PCDHA9: variants seen among roughly 807,000 people sequenced by gnomAD.
The protein encoded by PCDHA9 is protocadherin alpha 9.
In PCDHA9, 62 loss-of-function variants were observed where a neutral mutation model predicts 62.0. The observed-to-expected ratio is 1.00, with a 90% CI of 0.81 to 1.23. PCDHA9 has a LOEUF of 1.23. Among genes scored for constraint, PCDHA9 ranks in the 50% most tolerant of loss-of-function variants. The probability of loss-of-function intolerance (pLI) is 0.00; values close to 1 mark genes in which losing one functional copy is unlikely to be tolerated. For missense variants in PCDHA9, 1,205 were observed against 1,249.8 expected, an observed-to-expected ratio of 0.96 and a Z score of 0.54; for synonymous variants, 557 against 567.6, an observed-to-expected ratio of 0.98 and a Z score of 0.27.
At chr5:140,859,820 A>T (rs571266771) in intron 1 of PCDHA9, 10 of 152,434 alleles carry the variant, frequency 6.6e-5, no homozygotes, top group African/African-American at 2.2e-4. Context: ...TGCAGAGTTT[A>T]GAAGTGTATT....
At chr5:140,975,304 G>A (rs1395392874) in intron 1 of PCDHA9, among the ~76,000 whole-genome samples, 2 of 152,200 alleles carry the variant, frequency 1.3e-5, no homozygotes, top group African/African-American at 2.4e-5. Context: ...AAGAGCTCAT[G>A]TGATTATGTC....
chr5:140,967,794 T>G, intron 1 of PCDHA9: 1 of 1,614,178 alleles, frequency 6.2e-7, no homozygotes. Flanking sequence ...CGGGGTCCAG[T>G]GCCCATGGCA....
At chr5:140,892,998 AT>A (rs2063775886) in intron 1 of PCDHA9, among the ~76,000 whole-genome samples, 1 of 152,170 alleles carries the variant, frequency 6.6e-6, no homozygotes, top group South Asian at 2.1e-4. Context: ...GAGAACATGT[AT>A]TTATTTTTCT....
In PCDHA9 at chr5:140,855,864, G is replaced by T. The variant is rs2043653105; in HGVS notation, c.2394+4975G>T. On this transcript the variant is annotated intron_variant, in intron 1 of 3. Transcript: ENST00000532602. ...CCTAAAGCCACCGGATGTCGCTGTC[G>T]TCCACAAAATAGCTTTTTAGAACAA... 4 of 775,774 alleles carry T rather than the reference G, an allele frequency of 5.2e-6. No individual in the cohort carries two copies. The East Asian group carries it at 8.1e-5, about 16-fold the overall frequency. The allele number at this position is 775,774 out of a possible 1,614,324, so 48.1% of individuals were successfully genotyped here. A position where few individuals can be genotyped will look rare whatever the true frequency, so the allele number is the denominator to read the frequency against.
At chr5:140,929,349 A>G in intron 1 of PCDHA9, 1 of 1,530,382 alleles carries the variant, frequency 6.5e-7, no homozygotes, top group Non-Finnish European at 8.8e-7. Context: ...ATGGAATTTG[A>G]TTCCTTTGGC....
At chr5:140,926,899 G>A (rs1554203765) in intron 1 of PCDHA9, 2 of 1,552,028 alleles carry the variant, frequency 1.3e-6, no homozygotes, top group Non-Finnish European at 1.7e-6. Context: ...GAGGATGGTG[G>A]GCTGTGGGGT....
intron 3 of PCDHA9, among the ~76,000 whole-genome samples, chr5:140,992,954 C>G (rs1174073844): frequency 6.6e-6 from 1 of 152,190 alleles, no homozygotes; most frequent in Non-Finnish European, 1.5e-5. Context: ...TTAAATCACC[C>G]CTTATACTGC....
chr5:140,917,853 G>A (rs1187603480), intron 1 of PCDHA9, among the ~76,000 whole-genome samples: 1 of 151,906 alleles, frequency 6.6e-6, no homozygotes, highest in African/African-American at 2.4e-5. Flanking sequence ...TTTTTGCTTA[G>A]GATTGCTTTG....
chr5:140,982,447 C>T (rs782801484), intron 2 of PCDHA9, 28 bp from the exon 3 acceptor site: 5 of 1,613,664 alleles, frequency 3.1e-6, no homozygotes, highest in Admixed American at 3.3e-5. Flanking sequence ...ATGATCTAAC[C>T]GTTATCTGGG....
chr5:140,870,366 A>G, intron 1 of PCDHA9: 1 of 1,613,926 alleles, frequency 6.2e-7, no homozygotes, highest in South Asian at 1.1e-5. Flanking sequence ...GGGCCTATGA[A>G]CTGGTGGTGA....
At chr5:141,009,500 A>G (rs2098409925) in intron 3 of PCDHA9, 127 bp from the exon 4 acceptor site, 2 of 1,494,658 alleles carry the variant, frequency 1.3e-6, no homozygotes, top group Non-Finnish European at 1.8e-6. Flanking sequence ...TCAGACTTGA[A>G]CAAACAACTC....
At chr5:140,983,142 CTTGGCATGCATG>C (rs1316699573) in intron 3 of PCDHA9, among the ~76,000 whole-genome samples, 4 of 152,212 alleles carry the variant, frequency 2.6e-5, no homozygotes, top group Admixed American at 6.5e-5. Flanking sequence ...CTTTTAGTGC[CTTGGCATGCATG>C]TTGCCAAACA....
At chr5:140,852,880 A>C in intron 1 of PCDHA9, 1 of 943,656 alleles carries the variant, frequency 1.1e-6, no homozygotes, top group Non-Finnish European at 1.3e-6. Context: ...ATAATCATAA[A>C]ACGTATTTTT....
intron 3 of PCDHA9, among the ~76,000 whole-genome samples, chr5:140,999,845 T>C (rs1293721817): frequency 6.6e-6 from 1 of 152,188 alleles, no homozygotes; most frequent in African/African-American, 2.4e-5. Context: ...CAAGTGTATT[T>C]ATCTCTTCCG....
At chr5:140,875,478 G>A (rs2055526738) in intron 1 of PCDHA9, 1 of 1,610,404 alleles carries the variant, frequency 6.2e-7, no homozygotes, top group Admixed American at 1.7e-5. Flanking sequence ...CTGCAATGGT[G>A]ATTATCGGAC....
At chr5:140,856,839 A>T in intron 1 of PCDHA9, 1 of 1,592,670 alleles carries the variant, frequency 6.3e-7, no homozygotes, top group Non-Finnish European at 8.6e-7. Context: ...ATACGGCTCA[A>T]CGCTTCTGAT....
intron 1 of PCDHA9, chr5:140,967,045 C>T: frequency 6.2e-7 from 1 of 1,612,250 alleles, no homozygotes. Flanking sequence ...TGGAGCTGGA[C>T]CTGACGAGTG....
intron 1 of PCDHA9, among the ~76,000 whole-genome samples, chr5:140,896,522 G>A (rs1228394123): frequency 6.7e-6 from 1 of 149,268 alleles, no homozygotes; most frequent in Non-Finnish European, 1.5e-5. Context: ...ACACCACAAA[G>A]CCCAGCTATT....
chr5:140,946,916 T>C (rs1554217963), intron 1 of PCDHA9, among the ~76,000 whole-genome samples: 4 of 151,468 alleles, frequency 2.6e-5, no homozygotes, highest in Non-Finnish European at 5.9e-5. Context: ...GTTCTGGTGT[T>C]TTATTGAACA....
Sources: allele counts gnomAD v4.1 joint callset (sites outside exome capture counted in the v4.1 genomes callset), GRCh38; gene constraint gnomAD v4.1.1; transcripts MANE v1.5; gene names NCBI Gene and HGNC (gene_info 2026-07-23, HGNC 2026-07-21).